DCC: variants seen among roughly 807,000 people sequenced by gnomAD.
DCC encodes the protein DCC netrin 1 receptor.
In DCC, 58 loss-of-function variants were observed where a neutral mutation model predicts 172.5. That is an observed-to-expected ratio of 0.34 (90% CI 0.27 to 0.42). DCC has a LOEUF of 0.42. Ranked by LOEUF, DCC falls within the 10% of genes least tolerant of loss-of-function variation. The pLI is 1.00. For missense variants in DCC, 1,740 were observed against 1,791.0 expected (o/e 0.97, Z 0.51); for synonymous variants, 709 against 644.5 (o/e 1.10, Z -1.52).
At chr18:53,468,458 C>T (rs1411337359) in intron 25 of DCC, among the ~76,000 whole-genome samples, 1 of 151,544 alleles carries the variant, frequency 6.6e-6, no homozygotes, top group Non-Finnish European at 1.5e-5. Context: ...TCTTGGCTCA[C>T]TGCAACTTCC....
At chr18:53,353,374 T>A (rs1188874158) in intron 15 of DCC, among the ~76,000 whole-genome samples, 1 of 151,272 alleles carries the variant, frequency 6.6e-6, no homozygotes, top group Non-Finnish European at 1.5e-5. Flanking sequence ...AACAAGAAAA[T>A]GCTAAAGCTA....
chr18:52,682,470 G>C (rs900531721), intron 1 of DCC, among the ~76,000 whole-genome samples: 1 of 152,072 alleles, frequency 6.6e-6, no homozygotes, highest in Admixed American at 6.6e-5. Context: ...ACGTGAAGAA[G>C]AATAGTGGGC....
intron 25 of DCC, among the ~76,000 whole-genome samples, chr18:53,471,300 TAAAAAC>T (rs1362560906): frequency 2.0e-5 from 3 of 152,238 alleles, no homozygotes; most frequent in Admixed American, 6.5e-5. Flanking sequence ...TCCTTCTTGT[TAAAAAC>T]AATCCAATTA....
chr18:52,689,215 C>T lies in DCC; in HGVS notation c.92-62839C>T, dbSNP rs186018285. 9.7e-4 allele frequency among the ~76,000 whole-genome samples: 148 copies of T among 152,156 alleles called. 2 individuals are homozygous for T. Among genetic ancestry groups the T allele is most frequent in the Non-Finnish European group, 1.6e-3 (108 of 67,992 alleles). ...GTTGGAGCCATATGACTAAATCACA[C>T]GAAACAACTTGAGAAAGAAGCAAGA... On this transcript the variant is annotated intron_variant, in intron 1 of 28. Transcript: ENST00000442544.
intron 1 of DCC, among the ~76,000 whole-genome samples, chr18:52,601,535 A>G (rs1057506531): frequency 1.3e-5 from 2 of 151,864 alleles, no homozygotes; most frequent in East Asian, 1.9e-4. Context: ...GGAGTTTGCC[A>G]TTTTATCTTT....
chr18:52,602,646 A>G (rs1331704790), intron 1 of DCC, among the ~76,000 whole-genome samples: 1 of 152,020 alleles, frequency 6.6e-6, no homozygotes, highest in East Asian at 1.9e-4. Flanking sequence ...TCATGCTTAC[A>G]TTAATACTCA....
chr18:52,530,000 C>T (rs943330089), intron 1 of DCC, among the ~76,000 whole-genome samples: 2 of 152,084 alleles, frequency 1.3e-5, no homozygotes, highest in African/African-American at 4.8e-5. Context: ...TACTAGAAAG[C>T]TTATAGTCAA....
chr18:52,446,051 CCTCT>C (rs376000292), intron 1 of DCC, among the ~76,000 whole-genome samples: 64 of 152,290 alleles, frequency 4.2e-4, no homozygotes, highest in African/African-American at 1.5e-3. Flanking sequence ...CCTGCCTCAG[CCTCT>C]CTGAGTAGCT....
chr18:52,761,962 A>T (rs117013036), intron 2 of DCC, among the ~76,000 whole-genome samples: 4,120 of 151,702 alleles, frequency 0.027, 84 homozygotes, highest in Non-Finnish European at 0.04. Flanking sequence ...AAGAATTTCC[A>T]CAGCATCTGA....
intron 1 of DCC, among the ~76,000 whole-genome samples, chr18:52,548,136 C>A (rs1403215578): frequency 6.6e-6 from 1 of 152,100 alleles, no homozygotes; most frequent in Non-Finnish European, 1.5e-5. Context: ...TTAACATAGC[C>A]TTTTCTTTTC....
intron 2 of DCC, among the ~76,000 whole-genome samples, chr18:52,807,251 G>A (rs2145239693): frequency 6.6e-6 from 1 of 152,240 alleles, no homozygotes; most frequent in South Asian, 2.1e-4. Flanking sequence ...GCATTATACT[G>A]GGTAATACTA....
At chr18:52,878,781 C>G (rs2039439087) in intron 2 of DCC, among the ~76,000 whole-genome samples, 1 of 152,096 alleles carries the variant, frequency 6.6e-6, no homozygotes. Flanking sequence ...GTTCAATAAA[C>G]AATTGTTGAA....
intron 5 of DCC, among the ~76,000 whole-genome samples, chr18:52,926,790 TACACACACAC>T (rs1462577994): frequency 1.4e-5 from 2 of 147,212 alleles, no homozygotes; most frequent in Non-Finnish European, 3.0e-5. Context: ...TCTATATATA[TACACACACAC>T]ATATACATAT....
chr18:52,987,418 T>G (rs1432904731), intron 5 of DCC, among the ~76,000 whole-genome samples: 1 of 152,140 alleles, frequency 6.6e-6, no homozygotes, highest in Non-Finnish European at 1.5e-5. Flanking sequence ...ATGAGCAAAT[T>G]TTTTTTACAA....
intron 7 of DCC, among the ~76,000 whole-genome samples, chr18:53,147,676 T>C (rs2043936306): frequency 6.6e-6 from 1 of 152,148 alleles, no homozygotes; most frequent in Non-Finnish European, 1.5e-5. Flanking sequence ...CCTGTTATTA[T>C]CCTGTCTATC....
At chr18:52,833,807 C>T (rs376894746) in intron 2 of DCC, among the ~76,000 whole-genome samples, 2 of 152,108 alleles carry the variant, frequency 1.3e-5, no homozygotes, top group South Asian at 2.1e-4. Flanking sequence ...ACTACAGGCG[C>T]GTGGCACCAT....
rs1169001024 is a variant in DCC at position 53,427,903 on chromosome 18, A to G, written c.3164-7241A>G. ...ACATATATAATATAATAAATTATAT[A>G]TAATATATAATAATATAATATATAA... is the stretch of plus-strand genomic sequence containing the variant. On this transcript the variant is annotated intron_variant, in intron 21 of 28. Coordinates refer to ENST00000442544, the MANE Select transcript of DCC (RefSeq NM_005215.4). 4.6e-5 allele frequency among the ~76,000 whole-genome samples: 3 copies of G among 65,362 alleles called. 1 individual carries two copies. Among genetic ancestry groups the G allele is most frequent in the Non-Finnish European group, 9.4e-5 (3 of 31,760 alleles). The allele number at this position is 65,362 out of a possible 152,430, so 42.9% of individuals were successfully genotyped here. A position where few individuals can be genotyped will look rare whatever the true frequency, so the allele number is the denominator to read the frequency against.
intron 12 of DCC, among the ~76,000 whole-genome samples, chr18:53,265,200 C>A (rs565699791): frequency 1.3e-5 from 2 of 152,294 alleles, no homozygotes; most frequent in South Asian, 4.1e-4. Flanking sequence ...GGTCCTTGGC[C>A]TCATCAGCAC....
intron 5 of DCC, among the ~76,000 whole-genome samples, chr18:52,950,002 C>T (rs1163076830): frequency 6.6e-6 from 1 of 152,216 alleles, no homozygotes; most frequent in Non-Finnish European, 1.5e-5. Context: ...CCTATGTACA[C>T]AGGCACTCTG....
Sources: allele counts gnomAD v4.1 joint callset (sites outside exome capture counted in the v4.1 genomes callset), GRCh38; gene constraint gnomAD v4.1.1; transcripts MANE v1.5; gene names NCBI Gene and HGNC (gene_info 2026-07-23, HGNC 2026-07-21).